The following BIRC6 variants were observed in gnomAD, a reference collection of about 807,000 sequenced individuals.
BIRC6 encodes baculoviral IAP repeat containing 6, also known as dual E2 ubiquitin-conjugating enzyme/E3 ubiquitin-protein ligase BIRC6.
A neutral mutation model predicts 503.3 loss-of-function variants in BIRC6; 98 were observed. The observed-to-expected ratio is 0.19, with a 90% CI of 0.17 to 0.23. The LOEUF (loss-of-function observed/expected upper bound fraction) is 0.23, where lower values mean the gene tolerates loss of function less well. Among genes scored for constraint, BIRC6 ranks in the 10% least tolerant of loss-of-function variants. The pLI, the probability that BIRC6 is intolerant of heterozygous loss-of-function variation, is 1.00. For synonymous variants in BIRC6, 2,240 were observed against 2,078.7 expected (o/e 1.08, Z -2.11); for missense variants, 5,360 against 5,806.0 (o/e 0.92, Z 2.50).
At chr2:32,533,894 T>A (rs901482658) in intron 61 of BIRC6, among the ~76,000 whole-genome samples, 1 of 152,218 alleles carries the variant, frequency 6.6e-6, no homozygotes, top group Non-Finnish European at 1.5e-5. Flanking sequence ...TCTGAGCCAC[T>A]GAGTTTGTGG....
Position 32,592,088 on chromosome 2 carries a change from C to G in BIRC6, c.13356-1827C>G, listed in dbSNP as rs3769594. ...TAGTTGACTCGAGCAGTAAAATTCT[C>G]TGATATTTCAGTCTTCAGACGTACA... On this transcript the variant is annotated intron_variant, in intron 66 of 73. Transcript: ENST00000421745. 2.6e-5 allele frequency among the ~76,000 whole-genome samples: 4 copies of G among 152,198 alleles called. No individual in the cohort carries two copies. In the East Asian group the frequency reaches 5.8e-4, roughly 22 times the overall value.
At chr2:32,425,434 C>CT (rs200528146) in intron 10 of BIRC6, among the ~76,000 whole-genome samples, 6,182 of 134,184 alleles carry the variant, frequency 0.046, 221 homozygotes, top group African/African-American at 0.099. Flanking sequence ...TCTGGTAATT[C>CT]TTTTTTTTTT....
intron 10 of BIRC6, among the ~76,000 whole-genome samples, chr2:32,426,603 C>G (rs1194208105): frequency 2.0e-5 from 3 of 152,020 alleles, no homozygotes; most frequent in Non-Finnish European, 2.9e-5. Flanking sequence ...GACTCCGTCT[C>G]AAAACAAAAA....
At position 32,470,320 on chromosome 2, in the gene BIRC6, G is replaced by T. The variant is rs758276123; in HGVS notation, c.6481+19G>T. ...ACAGAAGGTATTAAGAGAAAGCAGT[G>T]TTCTTTAGTAAAAACAATATTCCTG... On this transcript the variant is annotated intron_variant, in intron 31 of 73. Transcript: ENST00000421745. The T allele has an allele frequency of 6.6e-7, 1 of 1,525,224 alleles. No homozygotes were observed. The highest frequency in any genetic ancestry group is 8.8e-7 in the Non-Finnish European group (1 of 1,139,106). 94.5% of individuals were successfully genotyped at this position (1,525,224 alleles called of 1,614,324 possible). A position where few individuals can be genotyped will look rare whatever the true frequency, so the allele number is the denominator to read the frequency against.
intron 1 of BIRC6, among the ~76,000 whole-genome samples, chr2:32,370,409 C>T (rs981851993): frequency 6.6e-6 from 1 of 152,096 alleles, no homozygotes; most frequent in Admixed American, 6.5e-5. Flanking sequence ...TTTGGAGAAC[C>T]TCTTCTGTGC....
In BIRC6 at chr2:32,435,534, C is replaced by G; in HGVS notation, c.3448C>G (p.Leu1150Val). The G allele has an allele frequency of 6.4e-7, 1 of 1,554,904 alleles. No individual in the cohort carries two copies. Among genetic ancestry groups the G allele is most frequent in the East Asian group, 2.4e-5 (1 of 41,598 alleles). The change falls in exon 14 of 74, where the codon CTG (leucine) becomes GTG (valine). Residue 1150 changes from leucine to valine, a missense_variant. Physicochemically the swap from Leu to Val is conservative, Grantham distance 32. Around this residue, in one of 16 missense-constraint regions of BIRC6, gnomAD observed 2,299 missense variants for 2,267.2 expected, o/e 1.01. Coordinates refer to ENST00000421745, the MANE Select transcript of BIRC6 (RefSeq NM_016252.4). ...IEVEQNGKPS[L>V]VDLNEEMQHM... ...AGTGGAACAAAATGGGAAACCGTCC[C>G]TGGTTGATTTGAATGAAGAAATGCA...
At chr2:32,384,224 C>G (rs905703177) in intron 3 of BIRC6, among the ~76,000 whole-genome samples, 1 of 152,148 alleles carries the variant, frequency 6.6e-6, no homozygotes, top group Non-Finnish European at 1.5e-5. Flanking sequence ...TTGGTTGATT[C>G]AAAGCATATG....
intron 9 of BIRC6, among the ~76,000 whole-genome samples, chr2:32,411,900 T>A (rs973916425): frequency 3.9e-5 from 6 of 152,200 alleles, no homozygotes; most frequent in African/African-American, 1.2e-4. Flanking sequence ...GTCAAGAGAT[T>A]ATACTTGATT....
chr2:32,367,219 T>C (rs564558265), intron 1 of BIRC6, among the ~76,000 whole-genome samples: 1 of 152,254 alleles, frequency 6.6e-6, no homozygotes, highest in East Asian at 1.9e-4. Flanking sequence ...TCCCAGCACT[T>C]TGGGAGACCA....
chr2:32,468,125 G>A lies in BIRC6; in HGVS notation c.5780+14G>A. 1.2e-6 allele frequency: 2 copies of A among 1,608,442 alleles called. No homozygotes were observed. Among genetic ancestry groups the A allele is most frequent in the Non-Finnish European group, 1.7e-6 (2 of 1,176,178 alleles). On this transcript the variant is annotated intron_variant, in intron 28 of 73. Coordinates refer to ENST00000421745, the MANE Select transcript of BIRC6 (RefSeq NM_016252.4). The stretch of plus-strand genomic sequence containing the variant: ...TATACAGTGCAGGTTAGTACAGAGT[G>A]CAAATTTTAATGTTATTGAAACTTT...
rs1574151244 is a variant in BIRC6, at chr2:32,430,900, G to A, written c.3058G>A (p.Glu1020Lys). Residue 1020 changes from glutamate to lysine, a missense_variant, in exon 12 of 74, where the codon GAA becomes AAA. Physicochemically the swap from Glu to Lys is moderately conservative, Grantham distance 56. Coordinates refer to ENST00000421745, the MANE Select transcript of BIRC6 (RefSeq NM_016252.4). The stretch of plus-strand genomic sequence containing the variant: ...ATTGGTGGACCAGCCATTCACCCTT[G>A]AAATCTTGACATCCCTAGTGGAGCT... ...DLLVDQPFTL[E>K]ILTSLVELTR... The A allele has an allele frequency of 4.5e-6, 7 of 1,542,568 alleles. No homozygotes were observed. The highest frequency in any genetic ancestry group is 6.1e-6 in the Non-Finnish European group (7 of 1,139,534).
At chr2:32,436,324 G>A (rs1031354936) in intron 15 of BIRC6, 140 bp downstream of exon 15, 1 of 722,502 alleles carries the variant, frequency 1.4e-6, no homozygotes, top group Non-Finnish European at 2.0e-6. Flanking sequence ...TGGTAGCTGA[G>A]GTCATTTCCT....
intron 60 of BIRC6, 146 bp from the exon 61 acceptor site, chr2:32,531,209 C>A: frequency 4.6e-6 from 3 of 652,736 alleles, no homozygotes; most frequent in Non-Finnish European, 7.6e-6. Flanking sequence ...ACCGTCTAGC[C>A]ATAATACAGC....
intron 49 of BIRC6, among the ~76,000 whole-genome samples, chr2:32,504,077 T>TGC (rs58131659): frequency 6.9e-6 from 1 of 145,630 alleles, no homozygotes; most frequent in East Asian, 2.1e-4. Flanking sequence ...TGTGTGTGTG[T>TGC]TTAGTAGAGA....
chr2:32,414,933 A>G lies in BIRC6; in HGVS notation c.1642A>G (p.Lys548Glu), dbSNP rs1404954600. Reference sequence around the variant, plus strand: ...GGCAAATCCTTGTTTAACAAACTCTAAGAGTGAAAAGACAAAGGAAAAGCA... The same window carrying G: ...GGCAAATCCTTGTTTAACAAACTCTGAGAGTGAAAAGACAAAGGAAAAGCA... ...LGANPCLTNS[K>E]SEKTKEKHQE... The change falls in exon 10 of 74, where the codon AAG becomes GAG. Residue 548 changes from lysine (K) to glutamate (E), a missense_variant. This residue lies in a region of BIRC6 where 700 missense variants were observed against 739.3 expected (regional missense o/e 0.95). Coordinates refer to ENST00000421745, the MANE Select transcript of BIRC6 (RefSeq NM_016252.4). 2.5e-6 allele frequency: 4 copies of G among 1,613,874 alleles called. No individual in the cohort carries two copies. Among genetic ancestry groups the G allele is most frequent in the Admixed American group, 3.3e-5 (2 of 60,010 alleles).
intron 39 of BIRC6, among the ~76,000 whole-genome samples, chr2:32,484,335 TG>T (rs2050748291): frequency 6.6e-6 from 1 of 152,054 alleles, no homozygotes; most frequent in South Asian, 2.1e-4. Context: ...GTGGATCACC[TG>T]AGGTCAAGAG....
At chr2:32,444,415 A>G (rs1458888675) in intron 20 of BIRC6, among the ~76,000 whole-genome samples, 1 of 152,240 alleles carries the variant, frequency 6.6e-6, no homozygotes, top group Non-Finnish European at 1.5e-5. Context: ...GTAGTTATCA[A>G]GTAGGAATTC....
intron 9 of BIRC6, among the ~76,000 whole-genome samples, chr2:32,408,195 T>C (rs2149859037): frequency 6.6e-6 from 1 of 152,316 alleles, no homozygotes; most frequent in African/African-American, 2.4e-5. Context: ...CTTGAACTCC[T>C]GACCTCAGGT....
At chr2:32,609,702 A>G (rs2151696742) in intron 72 of BIRC6, among the ~76,000 whole-genome samples, 1 of 151,392 alleles carries the variant, frequency 6.6e-6, no homozygotes, top group South Asian at 2.1e-4. Context: ...TTTTGCAAAG[A>G]TCGCGCCACG....
Sources: allele counts gnomAD v4.1 joint callset (sites outside exome capture counted in the v4.1 genomes callset), GRCh38; gene constraint gnomAD v4.1.1; regional missense constraint gnomAD v4.1.1; transcripts MANE v1.5; gene names NCBI Gene and HGNC (gene_info 2026-07-23, HGNC 2026-07-21).